The following ANXA10 variants were observed in gnomAD, a reference collection of about 807,000 sequenced individuals.
ANXA10 encodes annexin A10, also known as annexin 14.
A neutral mutation model predicts 53.5 loss-of-function variants in ANXA10; 49 were observed. That is an observed-to-expected ratio of 0.92 (90% CI 0.73 to 1.16). ANXA10 has a LOEUF of 1.16. Among genes scored for constraint, ANXA10 ranks in the 50% most tolerant of loss-of-function variants. ANXA10 has a pLI of 0.00. For missense variants in ANXA10, 393 were observed against 394.4 expected (o/e 1.00, Z 0.03); for synonymous variants, 131 against 128.9 (o/e 1.02, Z -0.11).
chr4:168,153,422 C>CAAAAAAAAAAAAAAAAAAAAAAAAAAAAA (rs61179704), intron 3 of ANXA10, among the ~76,000 whole-genome samples: 19 of 43,466 alleles, frequency 4.4e-4, no homozygotes, highest in South Asian at 2.8e-3. Context: ...AAGCCTAAAG[C>CAAAAAAAAAAAAAAAAAAAAAAAAAAAAA]AAAAAAAAAA....
At chr4:168,103,863 T>C (rs1280747435) in intron 1 of ANXA10, among the ~76,000 whole-genome samples, 2 of 151,948 alleles carry the variant, frequency 1.3e-5, no homozygotes, top group African/African-American at 2.4e-5. Flanking sequence ...TATTCCAATA[T>C]GTATAATGCT....
intron 1 of ANXA10, among the ~76,000 whole-genome samples, chr4:168,118,620 A>G (rs774080688): frequency 1.3e-5 from 2 of 152,186 alleles, no homozygotes; most frequent in Non-Finnish European, 2.9e-5. Context: ...TATTTTGCTC[A>G]AAAAGGGTGT....
intron 4 of ANXA10, among the ~76,000 whole-genome samples, chr4:168,163,994 C>T (rs777097460): frequency 6.6e-6 from 1 of 152,118 alleles, no homozygotes; most frequent in Non-Finnish European, 1.5e-5. Context: ...CAGTTTCCTT[C>T]AGATAATATT....
At chr4:168,163,496 AAC>A (rs201819008) in intron 4 of ANXA10, among the ~76,000 whole-genome samples, 2 of 96,418 alleles carry the variant, frequency 2.1e-5, no homozygotes, top group Non-Finnish European at 4.5e-5. Context: ...AATCGCTTTT[AAC>A]ACATGTTACA....
In ANXA10 at chr4:168,155,801, AATATATG is replaced by A. The variant is rs1731625931; in HGVS notation, c.196-6720_196-6714del. The stretch of plus-strand genomic sequence containing the variant: ...ATATTATATATTATATATAATATAT[AATATATG>A]ATATATTATATATGATATATGATAT... On this transcript the variant is annotated intron_variant, in intron 3 of 11. Coordinates refer to ENST00000359299, the MANE Select transcript of ANXA10 (RefSeq NM_007193.5). Among the ~76,000 whole-genome samples, 17 of 13,166 alleles carry A rather than the reference AATATATG, an allele frequency of 1.3e-3. 1 individual carries two copies. The highest frequency in any genetic ancestry group is 2.0e-3 in the Non-Finnish European group (15 of 7,550). The allele number at this position is 13,166 out of a possible 152,430, so 8.6% of individuals were successfully genotyped here. A position where few individuals can be genotyped will look rare whatever the true frequency, so the allele number is the denominator to read the frequency against.
At chr4:168,095,604 A>T (rs1730529296) in intron 1 of ANXA10, among the ~76,000 whole-genome samples, 1 of 152,144 alleles carries the variant, frequency 6.6e-6, no homozygotes, top group African/African-American at 2.4e-5. Flanking sequence ...AATACCATTT[A>T]ACATGCAAAG....
At chr4:168,136,245 C>G (rs116355761) in intron 2 of ANXA10, among the ~76,000 whole-genome samples, 2 of 152,152 alleles carry the variant, frequency 1.3e-5, no homozygotes, top group Non-Finnish European at 2.9e-5. Context: ...CCTGTCCCCC[C>G]ACAAATCTCA....
intron 4 of ANXA10, 28 bp downstream of exon 4, chr4:168,162,669 G>GTA: frequency 6.3e-7 from 1 of 1,580,778 alleles, no homozygotes; most frequent in South Asian, 1.1e-5. Flanking sequence ...AAATATGCCT[G>GTA]TAACAAGTAC....
intron 3 of ANXA10, among the ~76,000 whole-genome samples, chr4:168,155,906 TATATTATATTATATATC>T (rs1240283268): frequency 1.5e-3 from 50 of 33,912 alleles, no homozygotes; most frequent in Non-Finnish European, 2.0e-3. Context: ...TGATATATCA[TATATTATATTATATATC>T]ATATATTATA....
chr4:168,164,333 C>T lies in ANXA10; in HGVS notation c.400+45C>T, dbSNP rs1039968827. ...TGAATATATTTTACACATATAAGAA[C>T]TTTATAACACATTAAATATTCCAGT... On this transcript the variant is annotated intron_variant, in intron 5 of 11. Coordinates refer to ENST00000359299, the MANE Select transcript of ANXA10 (RefSeq NM_007193.5). 5 of 1,310,504 alleles carry T rather than the reference C, an allele frequency of 3.8e-6. No homozygotes were observed. In the African/African-American group the frequency reaches 7.4e-5, roughly 19 times the overall value. 81.2% of individuals were successfully genotyped at this position (1,310,504 alleles called of 1,614,324 possible).
intron 3 of ANXA10, among the ~76,000 whole-genome samples, chr4:168,151,139 T>C (rs1354852387): frequency 6.6e-6 from 1 of 152,192 alleles, no homozygotes; most frequent in African/African-American, 2.4e-5. Flanking sequence ...ATGATGCAAG[T>C]ATTTACATAG....
At chr4:168,155,077 C>T (rs1013711553) in intron 3 of ANXA10, among the ~76,000 whole-genome samples, 3 of 151,548 alleles carry the variant, frequency 2.0e-5, no homozygotes, top group African/African-American at 7.3e-5. Context: ...TTCACAGGCA[C>T]GTTTCACTCT....
At chr4:168,104,547 A>G (rs116289343) in intron 1 of ANXA10, among the ~76,000 whole-genome samples, 2,200 of 152,084 alleles carry the variant, frequency 0.014, 16 homozygotes, top group Middle Eastern at 0.02. Flanking sequence ...AAGGTTTCTA[A>G]ATACAAATTC....
intron 6 of ANXA10, among the ~76,000 whole-genome samples, chr4:168,172,235 T>A (rs570574147): frequency 1.3e-5 from 2 of 152,360 alleles, no homozygotes; most frequent in Admixed American, 1.3e-4. Flanking sequence ...CTTATTCACA[T>A]TGTTTAAATC....
chr4:168,140,431 G>T (rs535656333), intron 3 of ANXA10, among the ~76,000 whole-genome samples: 1 of 152,298 alleles, frequency 6.6e-6, no homozygotes, highest in African/African-American at 2.4e-5. Flanking sequence ...TATCAGTAGT[G>T]ACCTTAGTTG....
At chr4:168,139,658 T>G (rs769000664) in intron 3 of ANXA10, 78 bp downstream of exon 3, 201 of 1,087,580 alleles carry the variant, frequency 1.8e-4, no homozygotes, top group Non-Finnish European at 2.5e-4. Context: ...TAGGTATTTT[T>G]TTTTTCAATC....
At chr4:168,135,217 C>T (rs1008262943) in intron 2 of ANXA10, among the ~76,000 whole-genome samples, 136 of 152,126 alleles carry the variant, frequency 8.9e-4, no homozygotes, top group African/African-American at 3.1e-3. Flanking sequence ...GGGCATTGGT[C>T]AATGTGATTA....
At chr4:168,177,064 G>A (rs1272165067) in intron 6 of ANXA10, among the ~76,000 whole-genome samples, 1 of 152,078 alleles carries the variant, frequency 6.6e-6, no homozygotes, top group East Asian at 1.9e-4. Flanking sequence ...CATAGTTGGA[G>A]CAAGGAGAAA....
chr4:168,122,917 T>G (rs773352557), intron 1 of ANXA10, among the ~76,000 whole-genome samples: 2 of 152,168 alleles, frequency 1.3e-5, no homozygotes, highest in Non-Finnish European at 2.9e-5. Context: ...TTAGCGTCAT[T>G]TCAAGTTAAT....
Sources: allele counts gnomAD v4.1 joint callset (sites outside exome capture counted in the v4.1 genomes callset), GRCh38; gene constraint gnomAD v4.1.1; transcripts MANE v1.5; gene names NCBI Gene and HGNC (gene_info 2026-07-23, HGNC 2026-07-21).